Variants in KDM3A observed in about 807,000 individuals in gnomAD.
KDM3A encodes lysine-specific demethylase 3A.
Under a neutral mutation model 158.0 loss-of-function variants are expected in KDM3A, and 60 were observed. The observed-to-expected ratio is 0.38, with a 90% CI of 0.31 to 0.47. The LOEUF (loss-of-function observed/expected upper bound fraction) is 0.47, where lower values mean the gene tolerates loss of function less well. Ranked by LOEUF, KDM3A falls within the 20% of genes least tolerant of loss-of-function variation. The probability of loss-of-function intolerance (pLI) is 0.99; values close to 1 mark genes in which losing one functional copy is unlikely to be tolerated. For missense variants in KDM3A, 1,319 were observed against 1,574.3 expected, an observed-to-expected ratio of 0.84 and a Z score of 2.74; for synonymous variants, 608 against 549.3, an observed-to-expected ratio of 1.11 and a Z score of -1.49.
chr2:86,487,475 C>G (rs182295444), intron 21 of KDM3A: 3 of 152,262 alleles, frequency 2.0e-5, no homozygotes, highest in Non-Finnish European at 4.4e-5. Context: ...AATCCAGCCT[C>G]TCTTCAGTTC....
intron 10 of KDM3A, among the ~76,000 whole-genome samples, chr2:86,468,835 A>T (rs991918206): frequency 1.3e-5 from 2 of 152,180 alleles, no homozygotes; most frequent in African/African-American, 4.8e-5. Context: ...TTGGCTTTGA[A>T]TTCAGAGAAT....
Position 86,492,161 on chromosome 2 carries a change from A to C in KDM3A, c.*42A>C. ...AAATGAATTACAGGCAGCTGTTCAA[A>C]CTCTTCAGGCAGGATTCCTGTGGAC... is the stretch of plus-strand genomic sequence containing the variant. On this transcript the variant is annotated 3_prime_UTR_variant, in exon 26 of 26. Coordinates refer to ENST00000312912, the MANE Select transcript of KDM3A (RefSeq NM_018433.6). 7.0e-7 allele frequency: 1 copy of C among 1,425,742 alleles called. No individual in the cohort carries two copies. Among genetic ancestry groups the C allele is most frequent in the Non-Finnish European group, 9.9e-7 (1 of 1,011,094 alleles). 88.3% of individuals were successfully genotyped at this position (1,425,742 alleles called of 1,614,324 possible).
chr2:86,449,471 A>G (rs983952789), intron 2 of KDM3A, among the ~76,000 whole-genome samples: 1 of 152,176 alleles, frequency 6.6e-6, no homozygotes, highest in Non-Finnish European at 1.5e-5. Flanking sequence ...TTGTCTTGCA[A>G]TTCCAAAAGC....
intron 2 of KDM3A, among the ~76,000 whole-genome samples, chr2:86,447,963 A>C (rs1037494025): frequency 2.0e-5 from 3 of 152,184 alleles, no homozygotes; most frequent in African/African-American, 7.2e-5. Context: ...GAGATGTCAG[A>C]GCATATGGAT....
In KDM3A at chr2:86,490,878, T is replaced by C. The variant is rs776618842; in HGVS notation, c.3574-3T>C. On this transcript the variant is annotated splice_polypyrimidine_tract_variant and splice_region_variant and intron_variant, in intron 23 of 25. Transcript: ENST00000312912. The stretch of plus-strand genomic sequence containing the variant: ...GTTGCATAATATTTTGAATGTATTC[T>C]AGGTATCAGAAGAGCAAGGTCAAGA... The C allele has an allele frequency of 7.5e-6, 12 of 1,607,202 alleles. No individual in the cohort carries two copies. In the South Asian group the frequency reaches 1.2e-4, roughly 16 times the overall value.
intron 8 of KDM3A, among the ~76,000 whole-genome samples, chr2:86,460,089 A>G (rs1319255737): frequency 2.6e-5 from 4 of 152,184 alleles, no homozygotes; most frequent in Non-Finnish European, 2.9e-5. Context: ...AGTATAGTAA[A>G]GAATAGAATC....
chr2:86,454,125 C>A (rs1027958800), intron 4 of KDM3A, among the ~76,000 whole-genome samples: 1 of 152,144 alleles, frequency 6.6e-6, no homozygotes, highest in Admixed American at 6.6e-5. Flanking sequence ...CTGTTTGTCC[C>A]CCCACCTCCC....
At position 86,464,238 on chromosome 2, in the gene KDM3A, A is replaced by G. The variant is rs757175695; in HGVS notation, c.1007+22A>G. On this transcript the variant is annotated intron_variant, in intron 9 of 25. Transcript: ENST00000312912. ...AAGGGTGAGTAGTGATTTGTTAAAG[A>G]TGTTTAATTATAATAATAAAAAATT... The G allele has an allele frequency of 6.2e-6, 9 of 1,456,240 alleles. No homozygotes were observed. In the South Asian group the frequency reaches 1.3e-4, roughly 21 times the overall value. 90.2% of individuals were successfully genotyped at this position (1,456,240 alleles called of 1,614,324 possible).
intron 14 of KDM3A, 117 bp downstream of exon 14, chr2:86,478,382 T>C (rs1673763933): frequency 1.2e-6 from 1 of 860,922 alleles, no homozygotes. Context: ...TTGTAAGTTG[T>C]CCAGAAATAT....
At chr2:86,472,105 A>G (rs1285822493) in intron 11 of KDM3A, among the ~76,000 whole-genome samples, 1 of 151,706 alleles carries the variant, frequency 6.6e-6, no homozygotes, top group Non-Finnish European at 1.5e-5. Context: ...TTGCAAAGGC[A>G]TTTTAGGGAA....
intron 10 of KDM3A, 69 bp downstream of exon 10, chr2:86,466,952 C>A: frequency 8.0e-7 from 1 of 1,244,938 alleles, no homozygotes; most frequent in Non-Finnish European, 1.1e-6. Context: ...TCTTTCTTGT[C>A]CTATGAGAAA....
At chr2:86,451,268 CATG>C (rs1444789085) in intron 4 of KDM3A, 55 bp downstream of exon 4, 1 of 1,154,180 alleles carries the variant, frequency 8.7e-7, no homozygotes, top group African/African-American at 1.6e-5. Context: ...ACTCCTTTAA[CATG>C]AGAAGTAAAG....
chr2:86,479,047 ATT>A (rs1573197819), intron 15 of KDM3A: 3 of 185,572 alleles, frequency 1.6e-5, no homozygotes, highest in East Asian at 2.7e-4. Context: ...GTTTAAAAAA[ATT>A]TTTTGTGTAT....
intron 4 of KDM3A, among the ~76,000 whole-genome samples, chr2:86,452,552 CT>C (rs1457253439): frequency 1.3e-5 from 2 of 152,118 alleles, no homozygotes; most frequent in East Asian, 3.8e-4. Flanking sequence ...TGAGAATAGA[CT>C]GCACACACGC....
intron 10 of KDM3A, 121 bp from the exon 11 acceptor site, chr2:86,470,083 C>T: frequency 5.5e-6 from 4 of 727,998 alleles, no homozygotes; most frequent in Admixed American, 2.7e-5. Context: ...ACAATTGAAC[C>T]AGGAATTGAG....
intron 11 of KDM3A, 140 bp downstream of exon 11, chr2:86,470,548 TGGAG>T: frequency 1.5e-6 from 1 of 662,984 alleles, no homozygotes; most frequent in Non-Finnish European, 2.6e-6. Flanking sequence ...ATCTCTAGGT[TGGAG>T]AATCTAGATC....
rs1324429683 is a variant in KDM3A, at chr2:86,492,640, T to G, written c.*521T>G. ...TTTCTTGGGGTTAACCATCTTTAGT[T>G]AAATGGAATTTTAATTTAAATGACG... On this transcript the variant is annotated 3_prime_UTR_variant, in exon 26 of 26. Transcript: ENST00000312912. 6.5e-6 allele frequency: 1 copy of G among 152,738 alleles called. No individual in the cohort carries two copies. The highest frequency in any genetic ancestry group is 2.4e-5 in the African/African-American group (1 of 41,464). 9.5% of individuals were successfully genotyped at this position (152,738 alleles called of 1,614,324 possible). A position where few individuals can be genotyped will look rare whatever the true frequency, so the allele number is the denominator to read the frequency against.
At chr2:86,475,108 T>A in intron 12 of KDM3A, 118 bp downstream of exon 12, 1 of 795,964 alleles carries the variant, frequency 1.3e-6, no homozygotes, top group South Asian at 1.7e-5. Flanking sequence ...ATAACTTTGG[T>A]ATAATGAGGT....
chr2:86,477,150 C>T (rs961362628), intron 12 of KDM3A, among the ~76,000 whole-genome samples: 2 of 152,192 alleles, frequency 1.3e-5, no homozygotes, highest in Admixed American at 6.5e-5. Context: ...AGGTCTTGGC[C>T]ACTGGAACAG....
Sources: allele counts gnomAD v4.1 joint callset (sites outside exome capture counted in the v4.1 genomes callset), GRCh38; gene constraint gnomAD v4.1.1; transcripts MANE v1.5; gene names NCBI Gene and HGNC (gene_info 2026-07-23, HGNC 2026-07-21).